Variants in ANOS1 observed in about 807,000 individuals in gnomAD.
ANOS1 encodes the protein anosmin-1.
ANOS1 carries 6 observed loss-of-function variants against 59.0 expected under a neutral mutation model. The observed-to-expected ratio is 0.10, with a 90% CI of 0.06 to 0.20. The LOEUF (loss-of-function observed/expected upper bound fraction) is 0.20. Among genes scored for constraint, ANOS1 ranks in the 10% least tolerant of loss-of-function variants. The pLI, the probability that ANOS1 is intolerant of heterozygous loss-of-function variation, is 1.00. For missense variants in ANOS1, 433 were observed against 542.3 expected (o/e 0.80, Z 2.00); for synonymous variants, 217 against 223.4 (o/e 0.97, Z 0.25).
chrX:8,729,999 C>G (rs1453280593), intron 1 of ANOS1, among the ~76,000 whole-genome samples: 1 of 111,497 alleles, frequency 9.0e-6, no homozygotes, highest in East Asian at 2.8e-4. Flanking sequence ...AATGTGCATT[C>G]TGTCAGCAGT....
At chrX:8,636,000 G>A (rs773667035) in intron 2 of ANOS1, among the ~76,000 whole-genome samples, 1 of 111,036 alleles carries the variant, frequency 9.0e-6, no homozygotes, top group Non-Finnish European at 1.9e-5. Flanking sequence ...AAACAGCCAG[G>A]CCCGTCTCCC....
chrX:8,692,643 G>A (rs913724237), intron 2 of ANOS1, among the ~76,000 whole-genome samples: 6 of 111,103 alleles, frequency 5.4e-5, no homozygotes, highest in African/African-American at 1.6e-4. Flanking sequence ...AGGGCCTCCC[G>A]ATCCCTGGAA....
chrX:8,728,354 G>A (rs903951825), intron 1 of ANOS1, among the ~76,000 whole-genome samples: 18 of 111,979 alleles, frequency 1.6e-4, no homozygotes, highest in African/African-American at 5.8e-4. Context: ...GGTAGTGCTA[G>A]CTGCTGTATT....
In ANOS1 at chrX:8,732,066, G is replaced by A. The variant is rs1932987799; in HGVS notation, c.-30C>T. On this transcript the variant is annotated 5_prime_UTR_variant, in exon 1 of 14. Coordinates refer to ENST00000262648, the MANE Select transcript of ANOS1 (RefSeq NM_000216.4). ...GCGGGTCGAGGGCGAGGGCGAGGGC[G>A]CCGGGCGCGGGCCGAGGCTCCCTGC... is the stretch of plus-strand genomic sequence containing the variant. The A allele has an allele frequency of 5.5e-6, 5 of 908,867 alleles. No homozygotes were observed. The East Asian group carries it at 2.4e-4, about 44-fold the overall frequency. 74.9% of individuals were successfully genotyped at this position (908,867 alleles called of 1,213,427 possible).
chrX:8,647,525 A>G (rs1359864562), intron 2 of ANOS1, among the ~76,000 whole-genome samples: 2 of 112,041 alleles, frequency 1.8e-5, no homozygotes, highest in African/African-American at 6.5e-5. Context: ...AAGAGCAAGC[A>G]AAATATATAG....
intron 2 of ANOS1, among the ~76,000 whole-genome samples, chrX:8,656,501 C>G (rs1931932131): frequency 9.0e-6 from 1 of 111,568 alleles, no homozygotes; most frequent in Non-Finnish European, 1.9e-5. Flanking sequence ...TGCCCTCATC[C>G]TTTGGGGCAG....
chrX:8,580,176 TGA>T (rs1930397771), intron 6 of ANOS1, among the ~76,000 whole-genome samples: 1 of 112,341 alleles, frequency 8.9e-6, no homozygotes, highest in African/African-American at 3.2e-5. Context: ...GAATGACCTG[TGA>T]AGGTAACTTA....
At chrX:8,667,450 T>G (rs1033125036) in intron 2 of ANOS1, among the ~76,000 whole-genome samples, 1 of 111,230 alleles carries the variant, frequency 9.0e-6, no homozygotes, top group Admixed American at 9.6e-5. Flanking sequence ...TGTGCACCAC[T>G]GTGCGAGCTT....
At chrX:8,658,024 C>T (rs1250185848) in intron 2 of ANOS1, among the ~76,000 whole-genome samples, 1 of 111,377 alleles carries the variant, frequency 9.0e-6, no homozygotes, top group Admixed American at 9.5e-5. Flanking sequence ...GGGCAGTTCC[C>T]GAGGGCATTA....
intron 6 of ANOS1, among the ~76,000 whole-genome samples, chrX:8,577,312 C>T (rs997560143): frequency 9.0e-6 from 1 of 111,658 alleles, no homozygotes; most frequent in African/African-American, 3.3e-5. Context: ...GATTTACTAC[C>T]TCTTCAAGTG....
At chrX:8,572,512 A>T (rs1274382269) in intron 6 of ANOS1, among the ~76,000 whole-genome samples, 1 of 111,880 alleles carries the variant, frequency 8.9e-6, no homozygotes, top group Non-Finnish European at 1.9e-5. Context: ...TATGTTCCAC[A>T]TTTTCTTTAT....
intron 3 of ANOS1, among the ~76,000 whole-genome samples, chrX:8,611,175 A>G (rs1329506465): frequency 5.4e-5 from 6 of 111,167 alleles, no homozygotes; most frequent in Non-Finnish European, 1.1e-4. Context: ...GAAATGAAAA[A>G]TATGTCAAAT....
intron 2 of ANOS1, among the ~76,000 whole-genome samples, chrX:8,625,964 T>A (rs1164724296): frequency 9.3e-6 from 1 of 107,335 alleles, no homozygotes; most frequent in African/African-American, 3.4e-5. Context: ...TACAAAAAAT[T>A]AGCTGGGTGT....
intron 2 of ANOS1, among the ~76,000 whole-genome samples, chrX:8,668,485 C>CAT (rs776371281): frequency 1.3e-3 from 89 of 70,893 alleles, no homozygotes; most frequent in African/African-American, 4.2e-3. Context: ...TATGATAGTC[C>CAT]ATATATATAT....
chrX:8,705,261 C>T lies in ANOS1; in HGVS notation c.208-5516G>A, dbSNP rs182957053. Among the ~76,000 whole-genome samples the T allele has an allele frequency of 1.3e-4, 15 of 111,827 alleles. No homozygotes were observed. The East Asian group carries it at 3.9e-3, about 29-fold the overall frequency. ...TTTGTCTATTGCAAAAATTCTCAAG[C>T]CCCTCATTCATCTTTTGCATTTATT... On this transcript the variant is annotated intron_variant, in intron 1 of 13. Coordinates refer to ENST00000262648, the MANE Select transcript of ANOS1 (RefSeq NM_000216.4).
intron 10 of ANOS1, among the ~76,000 whole-genome samples, chrX:8,537,875 G>A (rs1380648881): frequency 9.0e-6 from 1 of 110,982 alleles, no homozygotes; most frequent in Non-Finnish European, 1.9e-5. Flanking sequence ...CTAGAAAGCA[G>A]CAGCGTTGAC....
At chrX:8,673,467 A>T (rs5978939) in intron 2 of ANOS1, among the ~76,000 whole-genome samples, 54,703 of 107,330 alleles carry the variant, frequency 0.51, 11,105 homozygotes, top group African/African-American at 0.72. Context: ...GGAAGGACTC[A>T]GTCAGACAGA....
At chrX:8,537,769 T>C (rs1300040662) in intron 10 of ANOS1, among the ~76,000 whole-genome samples, 3 of 109,227 alleles carry the variant, frequency 2.7e-5, no homozygotes, top group Non-Finnish European at 5.7e-5. Context: ...TGTGTGTGTG[T>C]GTGTGTGTGT....
intron 3 of ANOS1, among the ~76,000 whole-genome samples, chrX:8,621,085 G>T (rs185772220): frequency 4.6e-4 from 52 of 111,895 alleles, no homozygotes; most frequent in African/African-American, 1.5e-3. Context: ...CTATAAACAG[G>T]TCAGGAGCAG....
Sources: allele counts gnomAD v4.1 joint callset (sites outside exome capture counted in the v4.1 genomes callset), GRCh38; gene constraint gnomAD v4.1.1; transcripts MANE v1.5; gene names NCBI Gene and HGNC (gene_info 2026-07-23, HGNC 2026-07-21).